ANKRD30B: variants seen among roughly 807,000 people sequenced by gnomAD.
The protein encoded by ANKRD30B is ankyrin repeat domain-containing protein 30B.
Under a neutral mutation model 202.2 loss-of-function variants are expected in ANKRD30B, and 144 were observed. That is an observed-to-expected ratio of 0.71 (90% confidence interval 0.62 to 0.82). The LOEUF (loss-of-function observed/expected upper bound fraction) is 0.82. Ranked by LOEUF, ANKRD30B falls within the 40% of genes least tolerant of loss-of-function variation. The pLI, the probability that ANKRD30B is intolerant of heterozygous loss-of-function variation, is 0.00. For synonymous variants in ANKRD30B, 508 were observed against 561.3 expected (o/e 0.91, Z 1.34); for missense variants, 1,487 against 1,669.1 (o/e 0.89, Z 1.90).
At chr18:14,840,555 A>G (rs1169232345) in intron 36 of ANKRD30B, 33 bp from the exon 37 acceptor site, 3 of 1,132,910 alleles carry the variant, frequency 2.6e-6, no homozygotes, top group East Asian at 6.3e-5. Flanking sequence ...AATAGTAAAA[A>G]AAGAAATTAT....
At chr18:14,876,001 GA>G in the ANKRD30B span, among the ~76,000 whole-genome samples, 1 of 152,146 alleles carries the variant, frequency 6.6e-6, no homozygotes, top group African/African-American at 2.4e-5. Flanking sequence ...GGTCTTGCCT[GA>G]AACTAAGACA....
In ANKRD30B at chr18:14,790,434, G is replaced by C. The variant is rs145088838; in HGVS notation, c.1735-967G>C. Among the ~76,000 whole-genome samples, 183 of 152,274 alleles carry C rather than the reference G, an allele frequency of 1.2e-3. 1 individual carries two copies. Among genetic ancestry groups the C allele is most frequent in the African/African-American group, 4.3e-3 (178 of 41,544 alleles). On this transcript the variant is annotated intron_variant, in intron 15 of 43. Coordinates refer to ENST00000690538, the MANE Select transcript of ANKRD30B (RefSeq NM_001367607.2). ...AGAACTTACAACACTATGTTGATTA[G>C]GAGTGCTAAGAGAGGGCATCCCTGT... is the stretch of plus-strand genomic sequence containing the variant.
At chr18:14,908,801 T>A in the ANKRD30B span, among the ~76,000 whole-genome samples, 3 of 152,122 alleles carry the variant, frequency 2.0e-5, no homozygotes, top group Non-Finnish European at 4.4e-5. Context: ...CACAGCAGCT[T>A]CCAGGGCTCC....
rs1370133425 is a variant in ANKRD30B, at chr18:14,806,883, C to G, written c.2285-1668C>G. Among the ~76,000 whole-genome samples, 4 of 150,630 alleles carry G rather than the reference C, an allele frequency of 2.7e-5. 1 individual carries two copies. Among genetic ancestry groups the G allele is most frequent in the Admixed American group, 2.6e-4 (4 of 15,166 alleles). ...GCAGATGAATTAATGGTATCATTTC[C>G]TATATACGAATTTCTGAGGTTTCTT... On this transcript the variant is annotated intron_variant, in intron 24 of 43. Coordinates refer to ENST00000690538, the MANE Select transcript of ANKRD30B (RefSeq NM_001367607.2).
intron 1 of ANKRD30B, among the ~76,000 whole-genome samples, chr18:14,750,002 G>GA (rs1913175481): frequency 6.6e-6 from 1 of 151,808 alleles, no homozygotes; most frequent in African/African-American, 2.4e-5. Context: ...AAAAATACCA[G>GA]AAAAAACATA....
intron 41 of ANKRD30B, among the ~76,000 whole-genome samples, chr18:14,851,125 AGTATGGGAT>A (rs1257486540): frequency 1.5e-4 from 23 of 152,058 alleles, no homozygotes. Flanking sequence ...TAAGGCTCTT[AGTATGGGAT>A]GTTGTATAGG....
the ANKRD30B span, among the ~76,000 whole-genome samples, chr18:14,892,771 A>T: frequency 4.9e-5 from 7 of 143,328 alleles, no homozygotes; most frequent in Non-Finnish European, 7.6e-5. Context: ...AAAAAAAATT[A>T]GTTGGGCATG....
chr18:14,797,705 T>C lies in ANKRD30B; in HGVS notation c.1956+16T>C, dbSNP rs1198628011. 6.2e-7 allele frequency: 1 copy of C among 1,609,504 alleles called. No homozygotes were observed. The highest frequency in any genetic ancestry group is 1.7e-5 in the Admixed American group (1 of 59,922). On this transcript the variant is annotated intron_variant, in intron 19 of 43. Coordinates refer to ENST00000690538, the MANE Select transcript of ANKRD30B (RefSeq NM_001367607.2). Reference sequence around the variant, plus strand: ...TCTTCTGAAGGTAATAGCTTTTATGTCTCTATCTTGAATATTAACTACATA... The same window carrying C: ...TCTTCTGAAGGTAATAGCTTTTATGCCTCTATCTTGAATATTAACTACATA...
the ANKRD30B span, among the ~76,000 whole-genome samples, chr18:14,876,091 A>C: frequency 9.9e-5 from 15 of 152,020 alleles, no homozygotes; most frequent in East Asian, 3.9e-4. Context: ...GGTCGTGAGA[A>C]TCCTAAAAAG....
chr18:14,796,686 C>T (rs192829003), intron 18 of ANKRD30B, among the ~76,000 whole-genome samples: 33 of 152,114 alleles, frequency 2.2e-4, no homozygotes, highest in Admixed American at 1.4e-3. Flanking sequence ...CCAGGTGGAT[C>T]GGCAGGTTGA....
At chr18:14,829,944 C>T (rs1970830069) in intron 33 of ANKRD30B, among the ~76,000 whole-genome samples, 2 of 152,164 alleles carry the variant, frequency 1.3e-5, no homozygotes, top group Admixed American at 6.5e-5. Flanking sequence ...TTCCAAGCCT[C>T]TGATGTCCTA....
chr18:14,895,533 A>G, the ANKRD30B span, among the ~76,000 whole-genome samples: 1 of 152,170 alleles, frequency 6.6e-6, no homozygotes, highest in African/African-American at 2.4e-5. Flanking sequence ...TATTTGCCCA[A>G]TTGAATTGAA....
intron 34 of ANKRD30B, among the ~76,000 whole-genome samples, chr18:14,836,351 C>T (rs1166975906): frequency 6.6e-6 from 1 of 152,072 alleles, no homozygotes; most frequent in Non-Finnish European, 1.5e-5. Flanking sequence ...AGGAAGTAGC[C>T]ATGAAATGCT....
intron 7 of ANKRD30B, among the ~76,000 whole-genome samples, chr18:14,764,555 G>A (rs1915794898): frequency 7.2e-6 from 1 of 138,842 alleles, no homozygotes. Flanking sequence ...CACCACACCT[G>A]GCTGATTTTT....
At chr18:14,868,241 T>C in the ANKRD30B span, among the ~76,000 whole-genome samples, 6 of 152,402 alleles carry the variant, frequency 3.9e-5, no homozygotes, top group South Asian at 1.2e-3. Context: ...GCCTGGGATG[T>C]GTAAGAAGCT....
intron 1 of ANKRD30B, among the ~76,000 whole-genome samples, chr18:14,750,305 G>A (rs1423666866): frequency 6.6e-6 from 1 of 152,084 alleles, no homozygotes; most frequent in Non-Finnish European, 1.5e-5. Flanking sequence ...ATCTAAAAAA[G>A]TACTTGGCCT....
chr18:14,837,674 G>A lies in ANKRD30B; in HGVS notation c.2986G>A (p.Glu996Lys). The A allele has an allele frequency of 6.5e-7, 1 of 1,536,878 alleles. No individual in the cohort carries two copies. Among genetic ancestry groups the A allele is most frequent in the Non-Finnish European group, 8.7e-7 (1 of 1,144,166 alleles). ...KEDTKSTSDSEIISVSDTQNY... is the reference protein window; with the variant it reads ...KEDTKSTSDSKIISVSDTQNY... ...AGATACAAAATCAACTTCAGATTCTGAGGTACTGTGTATTGTTGTTGTTGT... is the reference window on the plus strand; with the variant it reads ...AGATACAAAATCAACTTCAGATTCTAAGGTACTGTGTATTGTTGTTGTTGT... Residue 996 changes from glutamate (E) to lysine (K), a missense_variant and splice_region_variant, in exon 36 of 44, where the codon GAG becomes AAG. Glu to Lys is a moderately conservative substitution (Grantham distance 56). Transcript: ENST00000690538.
At chr18:14,836,385 A>G (rs12456819) in intron 34 of ANKRD30B, among the ~76,000 whole-genome samples, 50,293 of 151,728 alleles carry the variant, frequency 0.33, 8,731 homozygotes, top group Non-Finnish European at 0.39. Context: ...CGGCACTTCA[A>G]CCGTCCCCTA....
intron 30 of ANKRD30B, among the ~76,000 whole-genome samples, chr18:14,822,046 T>G (rs1167078974): frequency 6.6e-6 from 1 of 152,056 alleles, no homozygotes; most frequent in Non-Finnish European, 1.5e-5. Context: ...TTGTAGTATA[T>G]TGACATAAGT....
Sources: allele counts gnomAD v4.1 joint callset (sites outside exome capture counted in the v4.1 genomes callset), GRCh38; gene constraint gnomAD v4.1.1; transcripts MANE v1.5; gene names NCBI Gene and HGNC (gene_info 2026-07-23, HGNC 2026-07-21).